Variants in PDCD11 observed in about 807,000 individuals in gnomAD.
PDCD11 encodes the protein programmed cell death 11.
PDCD11 carries 97 observed loss-of-function variants against 198.9 expected under a neutral mutation model. The ratio of observed to expected loss-of-function variants is 0.49; its 90% CI spans 0.41 to 0.58. The LOEUF is 0.58. Among genes scored for constraint, PDCD11 ranks in the 20% least tolerant of loss-of-function variants. The pLI is 0.00. For missense variants in PDCD11, 2,102 were observed against 2,312.7 expected (o/e 0.91, Z 1.87); for synonymous variants, 893 against 918.0 (o/e 0.97, Z 0.49).
chr10:103,437,928 G>A (rs928434961), intron 25 of PDCD11, 87 bp from the exon 26 acceptor site: 23 of 1,051,572 alleles, frequency 2.2e-5, no homozygotes, highest in Admixed American at 1.8e-4. Context: ...CTGCCTATTC[G>A]TCAGCCTGGA....
chr10:103,406,187 G>GTA (rs1180310431), intron 6 of PDCD11, 79 bp downstream of exon 6: 4 of 1,517,744 alleles, frequency 2.6e-6, no homozygotes, highest in Middle Eastern at 2.1e-4. Flanking sequence ...ATTTTGATGA[G>GTA]TAACATGACA....
rs2032042841 is a variant in PDCD11, at chr10:103,433,992, C to T, written c.3519C>T (p.Asp1173=). 3 of 1,614,034 alleles carry T rather than the reference C, an allele frequency of 1.9e-6. No individual in the cohort carries two copies. The highest frequency in any genetic ancestry group is 4.5e-5 in the East Asian group (2 of 44,878). ...GGCTTGAGGTGGAGATTGCCCCAGACATCCGGGGGAGAATTCCCTTATTGC... is the reference window on the plus strand; with the variant it reads ...GGCTTGAGGTGGAGATTGCCCCAGATATCCGGGGGAGAATTCCCTTATTGC... ...KKWLEVEIAP[D]IRGRIPLLLT... Residue 1173 remains aspartate (D), a synonymous_variant, in exon 23 of 36, where the codon GAC becomes GAT. Transcript: ENST00000369797.
chr10:103,421,629 C>A, intron 17 of PDCD11, 62 bp downstream of exon 17: 1 of 1,336,650 alleles, frequency 7.5e-7, no homozygotes, highest in Non-Finnish European at 1.0e-6. Context: ...GTAAATTACA[C>A]CTGTTGTTAG....
chr10:103,415,301 C>A (rs1052209349), intron 12 of PDCD11, 150 bp downstream of exon 12: 2 of 748,218 alleles, frequency 2.7e-6, no homozygotes, highest in Non-Finnish European at 4.4e-6. Flanking sequence ...AAAAGTGAGT[C>A]CCCGTTTTGT....
rs1204870633 is a variant in PDCD11 at position 103,398,542 on chromosome 10, T to C, written c.102+14T>C. The C allele has an allele frequency of 6.6e-7, 1 of 1,524,488 alleles. No individual in the cohort carries two copies. The highest frequency in any genetic ancestry group is 9.1e-7 in the Non-Finnish European group (1 of 1,098,370). The allele number at this position is 1,524,488 out of a possible 1,614,324, so 94.4% of individuals were successfully genotyped here. A position where few individuals can be genotyped will look rare whatever the true frequency, so the allele number is the denominator to read the frequency against. Reference sequence around the variant, plus strand: ...AACTTATTTGATGTAAGTAGTATGCTTGTTTGGTGACACTCACTGGAAACT... The same window carrying C: ...AACTTATTTGATGTAAGTAGTATGCCTGTTTGGTGACACTCACTGGAAACT... On this transcript the variant is annotated intron_variant, in intron 2 of 35. Transcript: ENST00000369797.
rs1217071250 is a variant in PDCD11, at chr10:103,444,580, A to G, written c.5342A>G (p.Lys1781Arg). The change falls in exon 35 of 36, where the codon AAA becomes AGA. Residue 1781 changes from lysine to arginine, a missense_variant. Physicochemically the swap from Lys to Arg is conservative, Grantham distance 26. Transcript: ENST00000369797. ...EFQLGDAERAKAIFENTLSTY... is the reference protein window; with the variant it reads ...EFQLGDAERARAIFENTLSTY... ...CAGCTGGGGGATGCAGAGCGGGCCA[A>G]AGCCATTTTTGAGAACACGCTGAGC... 6.2e-7 allele frequency: 1 copy of G among 1,614,050 alleles called. No individual in the cohort carries two copies. The highest frequency in any genetic ancestry group is 8.5e-7 in the Non-Finnish European group (1 of 1,180,034).
In PDCD11 at chr10:103,398,480, A is replaced by G. The variant is rs1470319527; in HGVS notation, c.54A>G (p.Lys18=). 3.1e-6 allele frequency: 5 copies of G among 1,614,054 alleles called. No homozygotes were observed. In the African/African-American group the frequency reaches 5.3e-5, roughly 17 times the overall value. Residue 18 remains lysine (K), a synonymous_variant, in exon 2 of 36, where the codon AAA becomes AAG. Coordinates refer to ENST00000369797, the MANE Select transcript of PDCD11 (RefSeq NM_014976.2). ...FPRGGTRKIH[K]PEKAFQQSVE... The stretch of plus-strand genomic sequence containing the variant: ...GAGGAGGTACAAGAAAGATCCACAA[A>G]CCAGAGAAAGCTTTCCAGCAGTCAG...
At chr10:103,427,284 G>A (rs762210969) in intron 20 of PDCD11, 45 bp from the exon 21 acceptor site, 1 of 1,538,950 alleles carries the variant, frequency 6.5e-7, no homozygotes, top group South Asian at 1.1e-5. Flanking sequence ...AGATTACTGT[G>A]TTACAGAGAT....
chr10:103,415,432 A>T (rs975454122), intron 12 of PDCD11, among the ~76,000 whole-genome samples: 1 of 152,200 alleles, frequency 6.6e-6, no homozygotes, highest in African/African-American at 2.4e-5. Context: ...AGGGGAGGTG[A>T]GGGTGGGCTG....
intron 12 of PDCD11, among the ~76,000 whole-genome samples, chr10:103,415,740 G>A (rs547461271): frequency 6.6e-6 from 1 of 152,320 alleles, no homozygotes; most frequent in South Asian, 2.1e-4. Context: ...GAAAGGATAG[G>A]TAGGATTTGG....
chr10:103,406,856 A>G (rs2030486589), intron 7 of PDCD11, 66 bp downstream of exon 7: 3 of 1,324,364 alleles, frequency 2.3e-6, no homozygotes, highest in Non-Finnish European at 3.1e-6. Flanking sequence ...TTAAATGCAT[A>G]AAGTCTAAAA....
intron 32 of PDCD11, among the ~76,000 whole-genome samples, chr10:103,442,860 G>A (rs922149104): frequency 3.9e-5 from 6 of 152,220 alleles, no homozygotes; most frequent in African/African-American, 1.4e-4. Flanking sequence ...AGCTTGAAGA[G>A]AGAATCAGAC....
rs893525479 is a variant in PDCD11, at chr10:103,443,955, G to A, written c.5165G>A (p.Arg1722Gln). ...TACAACCGGATGCTGAAGCGTTTCC[G>A]GCAGGAGAAAGCTGTGTGGATCAAA... ...ELYNRMLKRF[R>Q]QEKAVWIKYG... The change falls in exon 34 of 36, where the codon CGG becomes CAG. Residue 1722 changes from arginine (R) to glutamine (Q), a missense_variant. Transcript: ENST00000369797. The A allele has an allele frequency of 9.3e-6, 15 of 1,614,020 alleles. No homozygotes were observed. Among genetic ancestry groups the A allele is most frequent in the Admixed American group, 6.7e-5 (4 of 59,994 alleles).
At chr10:103,441,703 A>T in intron 30 of PDCD11, 123 bp from the exon 31 acceptor site, 1 of 813,442 alleles carries the variant, frequency 1.2e-6, no homozygotes, top group Non-Finnish European at 2.0e-6. Context: ...CTAGGAGGAG[A>T]GGAGAGGAGA....
chr10:103,410,558 G>C (rs1392381615), intron 8 of PDCD11, among the ~76,000 whole-genome samples: 1 of 150,858 alleles, frequency 6.6e-6, no homozygotes, highest in Non-Finnish European at 1.5e-5. Context: ...TAGGCAATCA[G>C]GTGTTAATAG....
chr10:103,438,057 G>C lies in PDCD11; in HGVS notation c.3888G>C (p.Ser1296=). ...CTGCAGACAACGTATTGACTTTGTC[G>C]CTGCGATCATCCAGGTGGGTTTCTG... ...LSTADNVLTL[S]LRSSRTNPET... Residue 1296 remains serine, a synonymous_variant, in exon 26 of 36, where the codon TCG becomes TCC. Coordinates refer to ENST00000369797, the MANE Select transcript of PDCD11 (RefSeq NM_014976.2). The C allele has an allele frequency of 6.2e-7, 1 of 1,613,308 alleles. No homozygotes were observed. The highest frequency in any genetic ancestry group is 1.3e-5 in the African/African-American group (1 of 75,018).
intron 25 of PDCD11, among the ~76,000 whole-genome samples, chr10:103,437,357 T>C (rs527721499): frequency 1.3e-5 from 2 of 152,334 alleles, no homozygotes; most frequent in South Asian, 4.1e-4. Context: ...CTGCCCAGAC[T>C]GGTCTTGAGC....
At chr10:103,418,234 A>T (rs2031224265) in intron 14 of PDCD11, among the ~76,000 whole-genome samples, 1 of 151,906 alleles carries the variant, frequency 6.6e-6, no homozygotes, top group Non-Finnish European at 1.5e-5. Context: ...TTGAGAGAGG[A>T]GTGCGATGGG....
intron 24 of PDCD11, 70 bp downstream of exon 24, chr10:103,434,420 A>G (rs994065542): frequency 4.0e-6 from 4 of 992,962 alleles, no homozygotes; most frequent in Non-Finnish European, 6.4e-6. Flanking sequence ...GTTTTCAGCT[A>G]TTGCTTGAGT....
Sources: allele counts gnomAD v4.1 joint callset (sites outside exome capture counted in the v4.1 genomes callset), GRCh38; gene constraint gnomAD v4.1.1; transcripts MANE v1.5; gene names NCBI Gene and HGNC (gene_info 2026-07-23, HGNC 2026-07-21).